TMEM187: variants seen among roughly 807,000 people sequenced by gnomAD.
TMEM187 encodes chromosome X open reading frame 12.
Under a neutral mutation model 11.8 loss-of-function variants are expected in TMEM187, and 14 were observed. That is an observed-to-expected ratio of 1.18 (90% CI 0.78 to 1.85). The LOEUF is 1.85. TMEM187 is among the 40% of genes most tolerant of loss of function. The pLI is 0.00. For synonymous variants in TMEM187, 112 were observed against 118.5 expected (o/e 0.95, Z 0.36); for missense variants, 227 against 243.9 (o/e 0.93, Z 0.46).
At chrX:153,981,735 T>C in intron 1 of TMEM187, 115 bp from the exon 2 acceptor site, 1 of 384,006 alleles carries the variant, frequency 2.6e-6, no homozygotes, top group Non-Finnish European at 4.6e-6. Flanking sequence ...GGTTTCACTC[T>C]GATTTGCTTC....
chrX:153,978,569 CTTTTT>C (rs781940360), intron 1 of TMEM187, among the ~76,000 whole-genome samples: 1 of 38,916 alleles, frequency 2.6e-5, no homozygotes, highest in African/African-American at 1.3e-4. Flanking sequence ...CGCCTGGCCA[CTTTTT>C]TTTTTTTTTT....
intron 1 of TMEM187, among the ~76,000 whole-genome samples, chrX:153,979,950 G>T (rs1557122088): frequency 1.8e-5 from 2 of 108,410 alleles, no homozygotes; most frequent in Non-Finnish European, 3.8e-5. Flanking sequence ...TGTTAGCCAG[G>T]ATGCTCTCGA....
chrX:153,976,665 CAG>C (rs1257411533), intron 1 of TMEM187, among the ~76,000 whole-genome samples: 1 of 112,594 alleles, frequency 8.9e-6, no homozygotes, highest in Non-Finnish European at 1.9e-5. Flanking sequence ...AGTTTGAGAC[CAG>C]TCTGGGCAAC....
At chrX:153,978,752 T>G (rs781847918) in intron 1 of TMEM187, among the ~76,000 whole-genome samples, 28 of 82,075 alleles carry the variant, frequency 3.4e-4, no homozygotes, top group African/African-American at 1.0e-3. Context: ...CCTGGCTAAT[T>G]TTTTGTTTTG....
chrX:153,977,882 C>G (rs1257312661), intron 1 of TMEM187, among the ~76,000 whole-genome samples: 4 of 107,432 alleles, frequency 3.7e-5, no homozygotes, highest in African/African-American at 1.4e-4. Context: ...ACCACTCCAG[C>G]CTGGACAACA....
chrX:153,978,300 A>G (rs1170821859), intron 1 of TMEM187, among the ~76,000 whole-genome samples: 1 of 104,939 alleles, frequency 9.5e-6, no homozygotes, highest in African/African-American at 3.5e-5. Context: ...ACGGAGTCTC[A>G]TTCTGTCGCC....
intron 1 of TMEM187, among the ~76,000 whole-genome samples, chrX:153,973,722 C>G (rs1169874556): frequency 8.9e-6 from 1 of 112,275 alleles, no homozygotes; most frequent in Non-Finnish European, 1.9e-5. Context: ...AAAGCAGCTG[C>G]TGGTTTCCAA....
chrX:153,982,227 G>C lies in TMEM187; in HGVS notation c.165G>C (p.Pro55=), dbSNP rs139416361. ...GCCTCCCTGCCTTCCTGGCCATGCC[G>C]TTCAACTCACTCGTGAACATGGCCT... ...VAGLPAFLAM[P]FNSLVNMAYT... The change falls in exon 2 of 2, where the codon CCG becomes CCC. Residue 55 remains proline, a synonymous_variant. Transcript: ENST00000369982. The C allele has an allele frequency of 9.9e-6, 12 of 1,211,587 alleles. No homozygotes were observed. The highest frequency in any genetic ancestry group is 1.3e-5 in the Non-Finnish European group (12 of 895,523).
intron 1 of TMEM187, among the ~76,000 whole-genome samples, chrX:153,981,354 G>C (rs782070994): frequency 2.7e-5 from 3 of 111,437 alleles, no homozygotes; most frequent in Non-Finnish European, 3.8e-5. Flanking sequence ...AGGCGAGTGA[G>C]CCAGGGAAGC....
chrX:153,978,537 G>T lies in TMEM187; in HGVS notation c.-213-3313G>T, dbSNP rs1310706686. 6.7e-5 allele frequency among the ~76,000 whole-genome samples: 7 copies of T among 104,499 alleles called. No individual in the cohort carries two copies. The Admixed American group carries it at 7.2e-4, about 11-fold the overall frequency. 90.7% of individuals were successfully genotyped at this position (104,499 alleles called of 115,157 possible). ...CCCACCTCAGCCACCCAGAGTGCTGGGATTACAGACGTGAGCCACCACGCC... is the reference window on the plus strand; with the variant it reads ...CCCACCTCAGCCACCCAGAGTGCTGTGATTACAGACGTGAGCCACCACGCC... On this transcript the variant is annotated intron_variant, in intron 1 of 1. Coordinates refer to ENST00000369982, the MANE Select transcript of TMEM187 (RefSeq NM_003492.3).
chrX:153,976,357 C>G (rs1603300502), intron 1 of TMEM187, among the ~76,000 whole-genome samples: 1 of 110,856 alleles, frequency 9.0e-6, no homozygotes, highest in East Asian at 2.8e-4. Flanking sequence ...ATGGCGAAAC[C>G]CCATCTCTAC....
At chrX:153,977,700 C>G (rs1557121650) in intron 1 of TMEM187, among the ~76,000 whole-genome samples, 1 of 98,237 alleles carries the variant, frequency 1.0e-5, no homozygotes, top group Non-Finnish European at 2.0e-5. Flanking sequence ...CACTTGAGGT[C>G]AGGAGTTGGA....
In TMEM187 at chrX:153,982,076, G is replaced by C. The variant is rs144049406; in HGVS notation, c.14G>C (p.Trp5Ser). The change falls in exon 2 of 2, where the codon TGG becomes TCG. Residue 5 changes from tryptophan to serine, a missense_variant. Physicochemically the swap from Trp to Ser is radical, Grantham distance 177. Coordinates refer to ENST00000369982, the MANE Select transcript of TMEM187 (RefSeq NM_003492.3). MNPE[W>S]GQAFVHVAVA... The stretch of plus-strand genomic sequence containing the variant: ...CGCCGGTTCCAGATGAATCCAGAGT[G>C]GGGGCAGGCCTTCGTGCACGTGGCC... The C allele has an allele frequency of 2.6e-5, 32 of 1,211,791 alleles. No individual in the cohort carries two copies. In the African/African-American group the frequency reaches 4.5e-4, roughly 17 times the overall value.
In TMEM187 at chrX:153,982,374, G is replaced by A. The variant is rs113580872; in HGVS notation, c.312G>A (p.Leu104=). 3.6e-5 allele frequency: 43 copies of A among 1,200,417 alleles called. 1 individual carries two copies. In the African/African-American group the frequency reaches 4.0e-4, roughly 11 times the overall value. The part of the protein sequence containing the change: ...LLYGPVQWLR[L]WTQWRRAAVL... ...ATGGCCCCGTGCAGTGGCTGCGCCT[G>A]TGGACGCAGTGGCGCCGTGCCGCGG... is the stretch of plus-strand genomic sequence containing the variant. The change falls in exon 2 of 2, where the codon CTG becomes CTA. Residue 104 remains leucine, a synonymous_variant. Transcript: ENST00000369982.
intron 1 of TMEM187, among the ~76,000 whole-genome samples, chrX:153,977,767 T>A (rs988835660): frequency 3.0e-5 from 3 of 100,308 alleles, no homozygotes; most frequent in Admixed American, 1.1e-4. Flanking sequence ...TACAAAAAAT[T>A]AGCTGTGCAT....
chrX:153,979,706 G>C (rs1291066851), intron 1 of TMEM187, among the ~76,000 whole-genome samples: 2 of 102,171 alleles, frequency 2.0e-5, no homozygotes, highest in African/African-American at 7.1e-5. Context: ...GACCAGGCTG[G>C]GCAACATGGT....
At position 153,982,765 on chromosome X, in the gene TMEM187, C is replaced by T. The variant is rs782583669; in HGVS notation, c.703C>T (p.Leu235Phe). Residue 235 changes from leucine (L) to phenylalanine (F), a missense_variant, in exon 2 of 2, where the codon CTC becomes TTC. Leu to Phe is a conservative substitution (Grantham distance 22). Transcript: ENST00000369982. ...GHFWSKVCDVLQFHFAFLFLT... is the reference protein window; with the variant it reads ...GHFWSKVCDVFQFHFAFLFLT... ...CTTCTGGTCCAAGGTCTGTGACGTGCTCCAGTTCCACTTTGCGTTTTTGTT... is the reference window on the plus strand; with the variant it reads ...CTTCTGGTCCAAGGTCTGTGACGTGTTCCAGTTCCACTTTGCGTTTTTGTT... 8.2e-7 allele frequency: 1 copy of T among 1,212,375 alleles called. No individual in the cohort carries two copies. Among genetic ancestry groups the T allele is most frequent in the South Asian group, 1.8e-5 (1 of 57,049 alleles).
At position 153,982,899 on chromosome X, in the gene TMEM187, C is replaced by T. The variant is rs1557122886; in HGVS notation, c.*51C>T. 1.7e-6 allele frequency: 2 copies of T among 1,210,113 alleles called. No individual in the cohort carries two copies. Among genetic ancestry groups the T allele is most frequent in the South Asian group, 1.8e-5 (1 of 56,607 alleles). On this transcript the variant is annotated 3_prime_UTR_variant, in exon 2 of 2. Transcript: ENST00000369982. ...CGATGACCCCCAGCATTGAAATGGA[C>T]TCTGAGATGGCAGCGTGGTGCCAGT...
At position 153,982,192 on chromosome X, in the gene TMEM187, C is replaced by T; in HGVS notation, c.130C>T (p.Pro44Ser). ...GGGCTATGAGCACTACGCCGAGGCG[C>T]CCGTGGCCGGCCTCCCTGCCTTCCT... ...QVGYEHYAEA[P>S]VAGLPAFLAM... is the part of the protein sequence containing the mutation. The change falls in exon 2 of 2, where the codon CCC (proline) becomes TCC (serine). Residue 44 changes from proline (P) to serine (S), a missense_variant. Physicochemically the swap from Pro to Ser is moderately conservative, Grantham distance 74 (BLOSUM62 -1). Transcript: ENST00000369982. The T allele has an allele frequency of 3.3e-6, 4 of 1,212,581 alleles. No individual in the cohort carries two copies. Among genetic ancestry groups the T allele is most frequent in the South Asian group, 1.8e-5 (1 of 57,082 alleles).
Sources: allele counts gnomAD v4.1 joint callset (sites outside exome capture counted in the v4.1 genomes callset), GRCh38; gene constraint gnomAD v4.1.1; transcripts MANE v1.5; gene names NCBI Gene and HGNC (gene_info 2026-07-23, HGNC 2026-07-21).